FSTL5: variants seen among roughly 807,000 people sequenced by gnomAD.
FSTL5 encodes the protein follistatin like 5.
In FSTL5, 62 loss-of-function variants were observed where a neutral mutation model predicts 89.1. That is an observed-to-expected ratio of 0.70 (90% CI 0.57 to 0.86). FSTL5 has a LOEUF of 0.86. FSTL5 is among the 40% of genes least tolerant of loss of function. FSTL5 has a pLI of 0.00. For missense variants in FSTL5, 1,057 were observed against 1,001.6 expected, an observed-to-expected ratio of 1.06 and a Z score of -0.75; for synonymous variants, 383 against 346.2, an observed-to-expected ratio of 1.11 and a Z score of -1.18.
At chr4:161,740,379 G>T (rs1008180018) in intron 6 of FSTL5, among the ~76,000 whole-genome samples, 1 of 151,748 alleles carries the variant, frequency 6.6e-6, no homozygotes, top group Non-Finnish European at 1.5e-5. Flanking sequence ...GTTTATGGAG[G>T]TTTAAGGAGA....
intron 15 of FSTL5, among the ~76,000 whole-genome samples, chr4:161,399,652 A>G (rs959452202): frequency 1.3e-5 from 2 of 152,066 alleles, no homozygotes; most frequent in African/African-American, 4.8e-5. Context: ...TGTTATTCAA[A>G]GTTTATGGCA....
At chr4:162,015,569 G>T (rs1419054249) in intron 3 of FSTL5, among the ~76,000 whole-genome samples, 1 of 150,126 alleles carries the variant, frequency 6.7e-6, no homozygotes, top group Non-Finnish European at 1.5e-5. Context: ...ATGGGATATG[G>T]GGGGTGATGG....
chr4:161,925,570 T>C (rs1233751918), intron 3 of FSTL5, among the ~76,000 whole-genome samples: 1 of 151,912 alleles, frequency 6.6e-6, no homozygotes, highest in Non-Finnish European at 1.5e-5. Context: ...TCCATGAATA[T>C]ATAAAATGAA....
chr4:161,766,826 C>A (rs911882761), intron 5 of FSTL5, among the ~76,000 whole-genome samples: 2 of 151,838 alleles, frequency 1.3e-5, no homozygotes, highest in South Asian at 2.1e-4. Context: ...AGTCGTTTTC[C>A]AGATAGATAA....
At chr4:161,786,933 C>A (rs979161739) in intron 4 of FSTL5, among the ~76,000 whole-genome samples, 1 of 152,052 alleles carries the variant, frequency 6.6e-6, no homozygotes, top group South Asian at 2.1e-4. Context: ...TTTATTCGCA[C>A]ACTTGCAAGA....
intron 3 of FSTL5, among the ~76,000 whole-genome samples, chr4:161,974,261 TA>T (rs1553987662): frequency 6.6e-6 from 1 of 152,096 alleles, no homozygotes; most frequent in Non-Finnish European, 1.5e-5. Context: ...AAAACTACTT[TA>T]AAGTTCACAT....
intron 2 of FSTL5, among the ~76,000 whole-genome samples, chr4:162,092,022 A>G (rs1730569846): frequency 6.6e-6 from 1 of 151,812 alleles, no homozygotes; most frequent in East Asian, 1.9e-4. Context: ...TAGAATTTGT[A>G]ATATTTCCAA....
intron 4 of FSTL5, among the ~76,000 whole-genome samples, chr4:161,810,239 T>C (rs1450263355): frequency 6.6e-6 from 1 of 152,126 alleles, no homozygotes; most frequent in African/African-American, 2.4e-5. Context: ...TTGTTAGATA[T>C]AATGAGATAA....
chr4:161,773,247 G>C (rs994840969), intron 5 of FSTL5, among the ~76,000 whole-genome samples: 1 of 152,080 alleles, frequency 6.6e-6, no homozygotes, highest in Non-Finnish European at 1.5e-5. Flanking sequence ...AATTCTAGAA[G>C]ATAACATCAG....
chr4:161,588,620 A>G (rs1287060970), intron 7 of FSTL5, among the ~76,000 whole-genome samples: 1 of 152,106 alleles, frequency 6.6e-6, no homozygotes, highest in South Asian at 2.1e-4. Flanking sequence ...GCCAAAATCA[A>G]TTTTTTTCAG....
intron 6 of FSTL5, among the ~76,000 whole-genome samples, chr4:161,746,603 T>C (rs776369383): frequency 2.0e-5 from 3 of 152,122 alleles, no homozygotes; most frequent in Non-Finnish European, 4.4e-5. Flanking sequence ...GAAAATGAAA[T>C]CATTGACCCC....
intron 8 of FSTL5, among the ~76,000 whole-genome samples, chr4:161,547,013 A>G (rs978755179): frequency 2.0e-5 from 3 of 152,002 alleles, no homozygotes; most frequent in Admixed American, 1.3e-4. Flanking sequence ...AGGTATTGCA[A>G]TATTTTCATC....
Position 161,531,860 on chromosome 4 carries a change from T to C in FSTL5, c.1312+6306A>G, listed in dbSNP as rs970687503. On this transcript the variant is annotated intron_variant, in intron 10 of 15. Coordinates refer to ENST00000306100, the MANE Select transcript of FSTL5 (RefSeq NM_020116.5). ...TCTGATTTGTAGCAATTATTGGGTTTTCTAGGCTTTTGAGAAATAGATTTT... is the reference window on the plus strand; with the variant it reads ...TCTGATTTGTAGCAATTATTGGGTTCTCTAGGCTTTTGAGAAATAGATTTT... Among the ~76,000 whole-genome samples the C allele has an allele frequency of 3.7e-4, 57 of 152,178 alleles. 1 individual carries two copies. Among genetic ancestry groups the C allele is most frequent in the Non-Finnish European group, 1.5e-4 (10 of 68,028 alleles).
chr4:161,837,086 G>A (rs1280020871), intron 4 of FSTL5, among the ~76,000 whole-genome samples: 1 of 152,122 alleles, frequency 6.6e-6, no homozygotes, highest in Non-Finnish European at 1.5e-5. Context: ...AAAATGCAGT[G>A]ATAGGTGAAG....
At chr4:162,123,597 G>T (rs914063796) in intron 1 of FSTL5, among the ~76,000 whole-genome samples, 7 of 97,754 alleles carry the variant, frequency 7.2e-5, no homozygotes, top group African/African-American at 2.2e-4. Context: ...AAGACTTGAG[G>T]ACATTCCTAG....
At chr4:161,683,236 G>A (rs1737588611) in intron 6 of FSTL5, among the ~76,000 whole-genome samples, 1 of 152,138 alleles carries the variant, frequency 6.6e-6, no homozygotes. Context: ...AAACACATGA[G>A]TAATGCGTTG....
intron 8 of FSTL5, among the ~76,000 whole-genome samples, chr4:161,570,657 T>C (rs1732973411): frequency 1.3e-5 from 2 of 152,196 alleles, no homozygotes; most frequent in South Asian, 4.1e-4. Flanking sequence ...CAGAGATCTT[T>C]ATCAAGTGTT....
chr4:161,417,346 C>G (rs1175114998), intron 15 of FSTL5, among the ~76,000 whole-genome samples: 2 of 152,208 alleles, frequency 1.3e-5, no homozygotes, highest in African/African-American at 4.8e-5. Flanking sequence ...GCACTACTCC[C>G]TCTTTTAATC....
At chr4:161,720,763 A>G (rs897583035) in intron 6 of FSTL5, among the ~76,000 whole-genome samples, 3 of 152,198 alleles carry the variant, frequency 2.0e-5, no homozygotes, top group African/African-American at 7.2e-5. Context: ...TATGCCAGAC[A>G]CACAAGGGCA....
Sources: allele counts gnomAD v4.1 joint callset (sites outside exome capture counted in the v4.1 genomes callset), GRCh38; gene constraint gnomAD v4.1.1; transcripts MANE v1.5; gene names NCBI Gene and HGNC (gene_info 2026-07-23, HGNC 2026-07-21).